Variants in CHST11 observed in about 807,000 individuals in gnomAD.
The protein encoded by CHST11 is carbohydrate sulfotransferase 11.
Under a neutral mutation model 30.4 loss-of-function variants are expected in CHST11, and 9 were observed. The observed-to-expected ratio is 0.30, with a 90% confidence interval of 0.18 to 0.52. CHST11 has a LOEUF of 0.52. CHST11 is among the 20% of genes least tolerant of loss of function. The pLI is 0.97. For synonymous variants in CHST11, 152 were observed against 187.8 expected (o/e 0.81, Z 1.56); for missense variants, 348 against 460.6 (o/e 0.76, Z 2.24).
intron 2 of CHST11, among the ~76,000 whole-genome samples, chr12:104,653,957 A>G (rs1566024291): frequency 6.6e-6 from 1 of 152,088 alleles, no homozygotes; most frequent in Non-Finnish European, 1.5e-5. Context: ...AGGGTAGTAA[A>G]ACGTCCCCGA....
At chr12:104,541,467 G>A (rs2097673828) in intron 1 of CHST11, among the ~76,000 whole-genome samples, 2 of 152,068 alleles carry the variant, frequency 1.3e-5, no homozygotes, top group African/African-American at 4.8e-5. Flanking sequence ...TAACGATGGT[G>A]TTTTCTTTTT....
chr12:104,538,086 T>A (rs2135999448), intron 1 of CHST11, among the ~76,000 whole-genome samples: 1 of 152,320 alleles, frequency 6.6e-6, no homozygotes, highest in East Asian at 1.9e-4. Flanking sequence ...TTACTCAGAT[T>A]TTCTTAGTTG....
intron 1 of CHST11, among the ~76,000 whole-genome samples, chr12:104,462,167 C>CAAAAAAAAA (rs796356338): frequency 7.8e-4 from 51 of 65,514 alleles, no homozygotes; most frequent in African/African-American, 2.6e-3. Flanking sequence ...AACACCATCT[C>CAAAAAAAAA]AAAAAAAAAA....
At chr12:104,735,451 C>A (rs1181924633) in intron 2 of CHST11, among the ~76,000 whole-genome samples, 4 of 152,096 alleles carry the variant, frequency 2.6e-5, no homozygotes, top group African/African-American at 9.7e-5. Flanking sequence ...GAGAGATGAG[C>A]CTAGATCACT....
At chr12:104,721,744 A>G (rs1261474171) in intron 2 of CHST11, among the ~76,000 whole-genome samples, 1 of 152,214 alleles carries the variant, frequency 6.6e-6, no homozygotes, top group Middle Eastern at 3.2e-3. Flanking sequence ...CACTGAAAGA[A>G]CCACTATAAA....
chr12:104,505,315 A>T (rs1357516087), intron 1 of CHST11, among the ~76,000 whole-genome samples: 1 of 152,094 alleles, frequency 6.6e-6, no homozygotes, highest in Non-Finnish European at 1.5e-5. Flanking sequence ...GGGATACTGC[A>T]TGGAACAGCA....
intron 1 of CHST11, among the ~76,000 whole-genome samples, chr12:104,510,223 CATT>C (rs2037950841): frequency 6.6e-6 from 1 of 152,148 alleles, no homozygotes; most frequent in African/African-American, 2.4e-5. Flanking sequence ...TAGGCCAAAA[CATT>C]TTTTTTTACA....
At chr12:104,532,118 C>T (rs2038191218) in intron 1 of CHST11, among the ~76,000 whole-genome samples, 2 of 152,346 alleles carry the variant, frequency 1.3e-5, no homozygotes, top group African/African-American at 4.8e-5. Context: ...CTCTTTCCCT[C>T]ACACCCTGGC....
chr12:104,536,659 A>G (rs917957560), intron 1 of CHST11, among the ~76,000 whole-genome samples: 3 of 152,116 alleles, frequency 2.0e-5, no homozygotes, highest in African/African-American at 4.8e-5. Context: ...TTTCTCTTCT[A>G]TAAAGTGGAG....
chr12:104,476,236 CAT>C (rs537505515), intron 1 of CHST11, among the ~76,000 whole-genome samples: 253 of 143,702 alleles, frequency 1.8e-3, no homozygotes, highest in Middle Eastern at 0.011. Flanking sequence ...TATGTAATAG[CAT>C]ATGTTACACA....
chr12:104,749,095 C>T (rs1484072587), intron 2 of CHST11, among the ~76,000 whole-genome samples: 4 of 152,178 alleles, frequency 2.6e-5, no homozygotes, highest in Non-Finnish European at 5.9e-5. Context: ...GAAAGTGTTC[C>T]ATACATGAGG....
intron 1 of CHST11, among the ~76,000 whole-genome samples, chr12:104,491,659 A>T (rs1266387658): frequency 6.6e-6 from 1 of 152,026 alleles, no homozygotes; most frequent in Non-Finnish European, 1.5e-5. Context: ...TTTTTTTTCA[A>T]TAGAGACAGT....
chr12:104,518,955 T>C (rs987396201), intron 1 of CHST11, among the ~76,000 whole-genome samples: 1 of 146,984 alleles, frequency 6.8e-6, no homozygotes, highest in Non-Finnish European at 1.5e-5. Flanking sequence ...TAAAATCTTT[T>C]CTTTTTCTTT....
At chr12:104,618,036 G>A (rs1396236701) in intron 2 of CHST11, among the ~76,000 whole-genome samples, 1 of 151,574 alleles carries the variant, frequency 6.6e-6, no homozygotes, top group Non-Finnish European at 1.5e-5. Flanking sequence ...AGCCTCCCGA[G>A]TAGCTGGGAT....
chr12:104,695,455 G>C (rs1273446186), intron 2 of CHST11, among the ~76,000 whole-genome samples: 1 of 151,812 alleles, frequency 6.6e-6, no homozygotes, highest in Non-Finnish European at 1.5e-5. Flanking sequence ...GAGTGTGTGT[G>C]TGTGTGTGTG....
intron 1 of CHST11, among the ~76,000 whole-genome samples, chr12:104,469,051 C>T (rs1395896974): frequency 6.6e-6 from 1 of 152,184 alleles, no homozygotes; most frequent in Non-Finnish European, 1.5e-5. Context: ...TGTGGTTCCT[C>T]GTTCAAGGAT....
intron 2 of CHST11, among the ~76,000 whole-genome samples, chr12:104,741,809 A>G (rs2040349362): frequency 6.6e-6 from 1 of 152,194 alleles, no homozygotes; most frequent in Admixed American, 6.5e-5. Context: ...CAGCCTCAGA[A>G]TTGGCCTGAT....
intron 1 of CHST11, among the ~76,000 whole-genome samples, chr12:104,501,992 G>T (rs564175477): frequency 5.9e-5 from 9 of 151,992 alleles, no homozygotes; most frequent in Non-Finnish European, 1.3e-4. Flanking sequence ...GACACCACAC[G>T]TGTGACCTCA....
intron 1 of CHST11, among the ~76,000 whole-genome samples, chr12:104,531,525 G>C (rs1420923968): frequency 1.3e-5 from 2 of 151,726 alleles, no homozygotes; most frequent in South Asian, 4.2e-4. Flanking sequence ...TACAAAGGAT[G>C]GGAAAATCCT....
Sources: gnomAD v4.1 joint callset for allele counts (sites outside exome capture counted in the v4.1 genomes callset) on GRCh38, gnomAD v4.1.1 for gene constraint, MANE v1.5 for transcripts, NCBI Gene and HGNC (gene_info 2026-07-23, HGNC 2026-07-21) for gene names.